Variants in TXNDC16 observed in about 807,000 individuals in gnomAD.
TXNDC16 encodes thioredoxin domain-containing protein 16.
In TXNDC16, 74 loss-of-function variants were observed where a neutral mutation model predicts 85.6. That is an observed-to-expected ratio of 0.86 (90% CI 0.72 to 1.05). The LOEUF (loss-of-function observed/expected upper bound fraction) is 1.05. Ranked by LOEUF, TXNDC16 falls within the 50% of genes least tolerant of loss-of-function variation. The pLI is 0.00. For missense variants in TXNDC16, 959 were observed against 947.0 expected (o/e 1.01, Z -0.17); for synonymous variants, 335 against 326.5 (o/e 1.03, Z -0.28).
At chr14:52,516,780 G>C (rs1176169842) in intron 7 of TXNDC16, among the ~76,000 whole-genome samples, 4 of 151,926 alleles carry the variant, frequency 2.6e-5, no homozygotes, top group African/African-American at 9.7e-5. Context: ...CATATCATCA[G>C]ATCATTCCAC....
intron 4 of TXNDC16, among the ~76,000 whole-genome samples, chr14:52,538,297 T>A (rs1430676115): frequency 6.6e-6 from 1 of 152,130 alleles, no homozygotes; most frequent in Non-Finnish European, 1.5e-5. Context: ...AAGGCATCTT[T>A]AAAGAAGCTA....
rs1193174391 is a variant in TXNDC16 at position 52,530,393 on chromosome 14, TA to T, written c.392+6325del. ...TTATATAATATTATATATAATATTA[TA>T]ATATAATATATAATTATTATATAAT... On this transcript the variant is annotated intron_variant, in intron 6 of 20. Transcript: ENST00000281741. 1.5e-3 allele frequency among the ~76,000 whole-genome samples: 33 copies of T among 21,448 alleles called. 4 individuals are homozygous for T. The highest frequency in any genetic ancestry group is 8.2e-3 in the African/African-American group (27 of 3,282). 14.1% of individuals were successfully genotyped at this position (21,448 alleles called of 152,430 possible).
chr14:52,549,306 A>G (rs1205910298), intron 1 of TXNDC16, among the ~76,000 whole-genome samples: 1 of 152,258 alleles, frequency 6.6e-6, no homozygotes, highest in Non-Finnish European at 1.5e-5. Flanking sequence ...AATGAGTGAC[A>G]TGTAACTAAA....
intron 6 of TXNDC16, among the ~76,000 whole-genome samples, chr14:52,531,420 G>A (rs1231181386): frequency 2.0e-5 from 3 of 152,098 alleles, no homozygotes; most frequent in Non-Finnish European, 4.4e-5. Flanking sequence ...CAACCAAGAT[G>A]TCTTTCAGTA....
intron 18 of TXNDC16, among the ~76,000 whole-genome samples, chr14:52,453,662 G>GGT (rs1354007098): frequency 6.6e-6 from 1 of 152,088 alleles, no homozygotes; most frequent in East Asian, 1.9e-4. Flanking sequence ...AGAAAAGGAT[G>GGT]GTTACCAGAA....
In TXNDC16 at chr14:52,454,319, G is replaced by A. The variant is rs113779735; in HGVS notation, c.1842+1005C>T. Among the ~76,000 whole-genome samples the A allele has an allele frequency of 6.6e-3, 1,000 of 151,770 alleles. 14 individuals carry two copies. The highest frequency in any genetic ancestry group is 0.023 in the African/African-American group (945 of 41,372). ...CACATGCCTGTAGTCCTGGCTACTT[G>A]GGAAGCTGAAGCAAGAGAATCACTT... On this transcript the variant is annotated intron_variant, in intron 18 of 20. Coordinates refer to ENST00000281741, the MANE Select transcript of TXNDC16 (RefSeq NM_020784.3).
chr14:52,512,187 G>C (rs930000494), intron 8 of TXNDC16, among the ~76,000 whole-genome samples: 2 of 152,122 alleles, frequency 1.3e-5, no homozygotes, highest in African/African-American at 4.8e-5. Context: ...AATAGTCAAA[G>C]ATTTACTTAA....
chr14:52,501,021 A>T (rs1412000841), intron 9 of TXNDC16, among the ~76,000 whole-genome samples: 1 of 152,212 alleles, frequency 6.6e-6, no homozygotes. Flanking sequence ...CCAACAGGAC[A>T]ATAATTGAAC....
rs35703912 is a variant in TXNDC16, at chr14:52,486,281, C to CTT, written c.1108+2080_1108+2081dup. On this transcript the variant is annotated intron_variant, in intron 12 of 20. Transcript: ENST00000281741. ...ACACTATTTTCAGTCACACATGCTG[C>CTT]TTTTTTTTTTTTTTTTTTTTGAGAC... 2.6e-3 allele frequency among the ~76,000 whole-genome samples: 301 copies of CTT among 114,372 alleles called. 1 individual carries two copies. The highest frequency in any genetic ancestry group is 3.5e-3 in the African/African-American group (103 of 29,850). The allele number at this position is 114,372 out of a possible 152,430, so 75.0% of individuals were successfully genotyped here.
At chr14:52,487,362 G>A (rs184744887) in intron 12 of TXNDC16, among the ~76,000 whole-genome samples, 2 of 152,206 alleles carry the variant, frequency 1.3e-5, no homozygotes, top group East Asian at 3.9e-4. Flanking sequence ...ACAATGCATG[G>A]ACCTCATGAA....
chr14:52,512,328 T>A (rs74050257), intron 8 of TXNDC16, among the ~76,000 whole-genome samples: 14,705 of 152,130 alleles, frequency 0.097, 828 homozygotes, highest in East Asian at 0.18. Context: ...AAAAATACTA[T>A]AAGGAACAAG....
intron 9 of TXNDC16, among the ~76,000 whole-genome samples, chr14:52,499,580 C>CATCTCATATCCTTTAA (rs1470864612): frequency 1.6e-4 from 23 of 147,754 alleles, no homozygotes; most frequent in African/African-American, 5.7e-4. Flanking sequence ...CATGAGGTAT[C>CATCTCATATCCTTTAA]ATCTCATATC....
At chr14:52,455,770 G>C (rs576062549) in intron 17 of TXNDC16, among the ~76,000 whole-genome samples, 1 of 152,240 alleles carries the variant, frequency 6.6e-6, no homozygotes, top group Non-Finnish European at 1.5e-5. Context: ...AATGGTTCTC[G>C]ACCTTTCTGG....
intron 6 of TXNDC16, among the ~76,000 whole-genome samples, chr14:52,523,148 A>C (rs1173061990): frequency 6.6e-6 from 1 of 152,206 alleles, no homozygotes; most frequent in Non-Finnish European, 1.5e-5. Context: ...AAATACTGAC[A>C]AAAATGGGTT....
intron 6 of TXNDC16, among the ~76,000 whole-genome samples, chr14:52,519,685 C>A (rs2037166098): frequency 6.6e-6 from 1 of 152,236 alleles, no homozygotes; most frequent in African/African-American, 2.4e-5. Context: ...TAGACCTTGT[C>A]TACCTCTCCA....
intron 6 of TXNDC16, among the ~76,000 whole-genome samples, chr14:52,524,887 G>A (rs950815532): frequency 6.6e-6 from 1 of 152,046 alleles, no homozygotes; most frequent in African/African-American, 2.4e-5. Flanking sequence ...TTGGGAGGCT[G>A]AGGCGGGAGG....
rs2036633537 is a variant in TXNDC16 at position 52,500,562 on chromosome 14, T to TG, written c.757-9558dup. ...TACAACAACGTACATCAGCTAATAC[T>TG]GTATTATACACTTTCAAATTGTGAT... On this transcript the variant is annotated intron_variant, in intron 9 of 20. Transcript: ENST00000281741. 1.3e-5 allele frequency among the ~76,000 whole-genome samples: 2 copies of TG among 152,188 alleles called. 1 individual carries two copies. The highest frequency in any genetic ancestry group is 4.8e-5 in the African/African-American group (2 of 41,448).
rs752515104 is a variant in TXNDC16 at position 52,432,466 on chromosome 14, A to G, written c.2316T>C (p.Asp772=). ...GTTGTTCCTTATCATTCTCCTGCAC[A>G]TCTGTTTCTTTCATACACTTGGGAA... The part of the protein sequence containing the change: ...RKVPKCMKET[D]VQENDKEQHE... Residue 772 remains aspartate (D), a synonymous_variant, in exon 21 of 21, where the codon GAT becomes GAC. Coordinates refer to ENST00000281741, the MANE Select transcript of TXNDC16 (RefSeq NM_020784.3). 4.3e-6 allele frequency: 7 copies of G among 1,613,806 alleles called. No individual in the cohort carries two copies. The highest frequency in any genetic ancestry group is 1.3e-5 in the African/African-American group (1 of 74,872).
At chr14:52,454,467 T>C (rs957934827) in intron 18 of TXNDC16, among the ~76,000 whole-genome samples, 1 of 148,770 alleles carries the variant, frequency 6.7e-6, no homozygotes, top group Non-Finnish European at 1.5e-5. Flanking sequence ...CCCATAAATA[T>C]ATTCATCTAC....
Sources: allele counts gnomAD v4.1 joint callset (sites outside exome capture counted in the v4.1 genomes callset), GRCh38; gene constraint gnomAD v4.1.1; transcripts MANE v1.5; gene names NCBI Gene and HGNC (gene_info 2026-07-23, HGNC 2026-07-21).